The following IKZF2 variants were observed in gnomAD, a reference collection of about 807,000 sequenced individuals.
The protein encoded by IKZF2 is zinc finger protein Helios.
IKZF2 carries 15 observed loss-of-function variants against 49.2 expected under a neutral mutation model. The ratio of observed to expected loss-of-function variants is 0.30; its 90% CI spans 0.20 to 0.47. The LOEUF (loss-of-function observed/expected upper bound fraction) is 0.47, where lower values mean the gene tolerates loss of function less well. Ranked by LOEUF, IKZF2 falls within the 20% of genes least tolerant of loss-of-function variation. IKZF2 has a pLI of 1.00. For synonymous variants in IKZF2, 227 were observed against 221.4 expected (o/e 1.03, Z -0.23); for missense variants, 567 against 664.6 (o/e 0.85, Z 1.61).
intron 4 of IKZF2, among the ~76,000 whole-genome samples, chr2:213,120,881 C>T (rs573098691): frequency 7.4e-4 from 113 of 152,262 alleles, no homozygotes; most frequent in Admixed American, 3.3e-3. Flanking sequence ...GCTGGGACTA[C>T]GGGTACGTGC....
Position 213,001,379 on chromosome 2 carries a change from A to G in IKZF2, c.*5981T>C, listed in dbSNP as rs1324899406. On this transcript the variant is annotated 3_prime_UTR_variant, in exon 9 of 9. Coordinates refer to ENST00000434687, the MANE Select transcript of IKZF2 (RefSeq NM_001387220.1). ...AACTGTCTAGTCTTTCATGATATAC[A>G]TTTTTTGGAGGAAAGCCAAATCAGA... 1 of 151,926 alleles carries G rather than the reference A, an allele frequency of 6.6e-6. No individual in the cohort carries two copies. The highest frequency in any genetic ancestry group is 1.5e-5 in the Non-Finnish European group (1 of 67,592). The allele number at this position is 151,926 out of a possible 1,614,324, so 9.4% of individuals were successfully genotyped here.
intron 2 of IKZF2, among the ~76,000 whole-genome samples, chr2:213,149,336 TAGA>T (rs1211752951): frequency 1.3e-5 from 2 of 150,802 alleles, no homozygotes; most frequent in African/African-American, 4.9e-5. Context: ...TTGGTTGTGC[TAGA>T]GAGAATCATT....
intron 4 of IKZF2, among the ~76,000 whole-genome samples, chr2:213,083,379 C>A (rs993835747): frequency 2.2e-5 from 3 of 135,708 alleles, no homozygotes; most frequent in Admixed American, 2.2e-4. Flanking sequence ...CATAGGACGG[C>A]GAACCTTTTT....
chr2:213,100,432 T>C (rs1276177436), intron 4 of IKZF2, among the ~76,000 whole-genome samples: 1 of 152,052 alleles, frequency 6.6e-6, no homozygotes, highest in Non-Finnish European at 1.5e-5. Flanking sequence ...AAATCCTTAT[T>C]AATGGTGTTT....
chr2:213,130,646 G>T (rs1197223265), intron 4 of IKZF2, among the ~76,000 whole-genome samples: 1 of 152,056 alleles, frequency 6.6e-6, no homozygotes, highest in Non-Finnish European at 1.5e-5. Flanking sequence ...GTTCTTTTTG[G>T]CACATAAATG....
In IKZF2 at chr2:213,022,005, T is replaced by C; in HGVS notation, c.700A>G (p.Met234Val). 5 of 1,612,268 alleles carry C rather than the reference T, an allele frequency of 3.1e-6. No individual in the cohort carries two copies. Among genetic ancestry groups the C allele is most frequent in the East Asian group, 2.2e-5 (1 of 44,856 alleles). ...AGTTTCTACCCACCATGGTGACTCA[T>C]GACCTGCCCAGCAGCCTCCATGCTG... Reference protein sequence around the residue: ...NVSMEAAGQVMSHHVPPMEDC... With the variant: ...NVSMEAAGQVVSHHVPPMEDC... Residue 234 changes from methionine to valine, a missense_variant, in exon 7 of 9, where the codon ATG (methionine) becomes GTG (valine). Met to Val is a conservative substitution (Grantham distance 21, BLOSUM62 1). Around this residue, in one of 5 missense-constraint regions of IKZF2, gnomAD observed 310 missense variants for 326.9 expected, o/e 0.95. Coordinates refer to ENST00000434687, the MANE Select transcript of IKZF2 (RefSeq NM_001387220.1).
intron 4 of IKZF2, among the ~76,000 whole-genome samples, chr2:213,133,634 G>A (rs1273649196): frequency 2.0e-5 from 3 of 151,722 alleles, no homozygotes; most frequent in Non-Finnish European, 2.9e-5. Context: ...GGGAGGCGAA[G>A]GTTGCAGTGG....
chr2:213,034,802 A>C (rs1031229274), intron 6 of IKZF2, among the ~76,000 whole-genome samples: 4 of 152,198 alleles, frequency 2.6e-5, no homozygotes, highest in Admixed American at 2.6e-4. Context: ...AATGGTATCA[A>C]CCGACTTGCT....
intron 5 of IKZF2, among the ~76,000 whole-genome samples, chr2:213,054,932 T>C (rs1490897111): frequency 6.6e-6 from 1 of 152,116 alleles, no homozygotes; most frequent in Non-Finnish European, 1.5e-5. Context: ...ATTATTATTT[T>C]ATTTACAAAT....
At chr2:213,027,977 T>C in intron 6 of IKZF2, among the ~76,000 whole-genome samples, 1 of 152,220 alleles carries the variant, frequency 6.6e-6, no homozygotes. Flanking sequence ...AATATTTACA[T>C]ATATACAGAT....
rs563151269 is a variant in IKZF2 at position 213,002,913 on chromosome 2, T to G, written c.*4447A>C. 6 of 152,070 alleles carry G rather than the reference T, an allele frequency of 3.9e-5. No individual in the cohort carries two copies. In the East Asian group the frequency reaches 1.2e-3, roughly 30 times the overall value. 9.4% of individuals were successfully genotyped at this position (152,070 alleles called of 1,614,324 possible). A position where few individuals can be genotyped will look rare whatever the true frequency, so the allele number is the denominator to read the frequency against. The stretch of plus-strand genomic sequence containing the variant: ...ACAAAACAAAAACACAAATTATAAT[T>G]CAATTCACAGGTAAAGTTTCACTCT... On this transcript the variant is annotated 3_prime_UTR_variant, in exon 9 of 9. Coordinates refer to ENST00000434687, the MANE Select transcript of IKZF2 (RefSeq NM_001387220.1).
intron 4 of IKZF2, chr2:213,081,360 G>A (rs920018835): frequency 2.0e-5 from 3 of 152,922 alleles, no homozygotes; most frequent in Admixed American, 6.5e-5. Flanking sequence ...TGCAGGACAG[G>A]TGATTGGCAA....
chr2:213,097,974 A>T (rs1706216109), intron 4 of IKZF2: 1 of 309,816 alleles, frequency 3.2e-6, no homozygotes, highest in Non-Finnish European at 6.5e-6. Flanking sequence ...TAAATTAGAG[A>T]AAGCTTTTTT....
chr2:213,006,542 C>T lies in IKZF2; in HGVS notation c.*818G>A, dbSNP rs1479087809. ...AGTCCCTCCCAGAAATTATTGACTGCCTTTTATCCACTCTTAGACCATATG... is the reference window on the plus strand; with the variant it reads ...AGTCCCTCCCAGAAATTATTGACTGTCTTTTATCCACTCTTAGACCATATG... On this transcript the variant is annotated 3_prime_UTR_variant, in exon 9 of 9. Transcript: ENST00000434687. The T allele has an allele frequency of 6.6e-6, 1 of 152,394 alleles. No individual in the cohort carries two copies. The highest frequency in any genetic ancestry group is 1.9e-4 in the East Asian group (1 of 5,166). 9.4% of individuals were successfully genotyped at this position (152,394 alleles called of 1,614,324 possible).
chr2:213,038,977 C>T (rs190290777), intron 6 of IKZF2, among the ~76,000 whole-genome samples: 24 of 151,882 alleles, frequency 1.6e-4, no homozygotes, highest in Admixed American at 1.2e-3. Flanking sequence ...CAAAGATGAG[C>T]TCCATCTTGA....
rs12989003 is a variant in IKZF2 at position 213,118,503 on chromosome 2, C to G, written c.139+29205G>C. ...TAACTAGAAGTTCCTTATATTAAAA[C>G]AAAACAAAAGTAAAAAACACTAACT... On this transcript the variant is annotated intron_variant, in intron 4 of 8. Coordinates refer to ENST00000434687, the MANE Select transcript of IKZF2 (RefSeq NM_001387220.1). 9.2e-3 allele frequency among the ~76,000 whole-genome samples: 1,397 copies of G among 152,200 alleles called. 9 individuals carry two copies. Among genetic ancestry groups the G allele is most frequent in the Middle Eastern group, 0.027 (8 of 294 alleles).
At chr2:213,124,253 CACACA>C (rs2060172033) in intron 4 of IKZF2, among the ~76,000 whole-genome samples, 5 of 24,268 alleles carry the variant, frequency 2.1e-4, no homozygotes, top group African/African-American at 5.1e-4. Flanking sequence ...CGCGCGCGCG[CACACA>C]CACACACACA....
chr2:213,148,135 A>G (rs1025569234), intron 3 of IKZF2, among the ~76,000 whole-genome samples: 1 of 152,250 alleles, frequency 6.6e-6, no homozygotes, highest in African/African-American at 2.4e-5. Context: ...CACAGAATTT[A>G]TAATGAGCAT....
intron 8 of IKZF2, 130 bp from the exon 9 acceptor site, chr2:213,008,214 A>G (rs1695561940): frequency 9.0e-7 from 1 of 1,111,926 alleles, no homozygotes; most frequent in Admixed American, 3.0e-5. Flanking sequence ...GGTATATATT[A>G]CTCTATAAGT....
Sources: gnomAD v4.1 joint callset for allele counts (sites outside exome capture counted in the v4.1 genomes callset) on GRCh38, gnomAD v4.1.1 for gene constraint, gnomAD v4.1.1 regional missense constraint, MANE v1.5 for transcripts, NCBI Gene and HGNC (gene_info 2026-07-23, HGNC 2026-07-21) for gene names.